Variants in KCNJ10 observed in about 807,000 individuals in gnomAD.
The protein encoded by KCNJ10 is potassium inwardly rectifying channel subfamily J member 10, also known as ATP-sensitive inward rectifier potassium channel 10.
Under a neutral mutation model 22.2 loss-of-function variants are expected in KCNJ10, and 9 were observed. That is an observed-to-expected ratio of 0.40 (90% CI 0.24 to 0.71). The LOEUF (loss-of-function observed/expected upper bound fraction) is 0.71, where lower values mean the gene tolerates loss of function less well. KCNJ10 is among the 30% of genes least tolerant of loss of function. The pLI, the probability that KCNJ10 is intolerant of heterozygous loss-of-function variation, is 0.35. For missense variants in KCNJ10, 337 were observed against 482.7 expected, an observed-to-expected ratio of 0.70 and a Z score of 2.83; for synonymous variants, 184 against 187.3, an observed-to-expected ratio of 0.98 and a Z score of 0.15.
In KCNJ10 at chr1:160,053,801, T is replaced by C. The variant is rs79399382; in HGVS notation, c.1-11269A>G. On this transcript the variant is annotated intron_variant, in intron 1 of 1. Coordinates refer to ENST00000644903, the MANE Select transcript of KCNJ10 (RefSeq NM_002241.5). ...GTCAACGTTTGGAAAGTTCTCATAG[T>C]CTGATCAAAAGAAAGGATAAAAGCC... Among the ~76,000 whole-genome samples, 778 of 152,292 alleles carry C rather than the reference T, an allele frequency of 5.1e-3. 4 individuals are homozygous for C. The highest frequency in any genetic ancestry group is 0.018 in the African/African-American group (733 of 41,540).
In KCNJ10 at chr1:160,039,375, C is replaced by CACACACACACACAA. The variant is rs1279471303; in HGVS notation, c.*2017_*2018insTTGTGTGTGTGTGT. The CACACACACACACAA allele has an allele frequency of 7.5e-5, 1 of 13,312 alleles. No individual in the cohort carries two copies. The highest frequency in any genetic ancestry group is 2.3e-4 in the African/African-American group (1 of 4,306). 0.8% of individuals were successfully genotyped at this position (13,312 alleles called of 1,614,324 possible). A position where few individuals can be genotyped will look rare whatever the true frequency, so the allele number is the denominator to read the frequency against. On this transcript the variant is annotated 3_prime_UTR_variant, in exon 2 of 2. Coordinates refer to ENST00000644903, the MANE Select transcript of KCNJ10 (RefSeq NM_002241.5). ...TTGGCAATGGATAGGAAGGTATAGA[C>CACACACACACACAA]ACACACACACACACACACACACACA...
intron 1 of KCNJ10, among the ~76,000 whole-genome samples, chr1:160,061,566 T>C (rs555549274): frequency 2.6e-5 from 4 of 151,992 alleles, no homozygotes; most frequent in African/African-American, 9.7e-5. Flanking sequence ...GCTGTGTCCA[T>C]GGTTAACGTA....
At position 160,038,437 on chromosome 1, in the gene KCNJ10, A is replaced by G. The variant is rs1371451186; in HGVS notation, c.*2956T>C. 1 of 152,192 alleles carries G rather than the reference A, an allele frequency of 6.6e-6. No individual in the cohort carries two copies. Among genetic ancestry groups the G allele is most frequent in the East Asian group, 1.9e-4 (1 of 5,176 alleles). The allele number at this position is 152,192 out of a possible 1,614,324, so 9.4% of individuals were successfully genotyped here. ...TAGGATTCAACAAAAGCCTTCATGA[A>G]TGCCTCTTTATTTCTGAAAAGGAAC... On this transcript the variant is annotated 3_prime_UTR_variant, in exon 2 of 2. Transcript: ENST00000644903.
intron 1 of KCNJ10, among the ~76,000 whole-genome samples, chr1:160,060,533 T>C (rs1019355141): frequency 6.6e-6 from 1 of 152,152 alleles, no homozygotes; most frequent in African/African-American, 2.4e-5. Context: ...CATGCAATTT[T>C]GATGGGAGGA....
At chr1:160,048,426 G>C (rs1454209206) in intron 1 of KCNJ10, among the ~76,000 whole-genome samples, 1 of 152,242 alleles carries the variant, frequency 6.6e-6, no homozygotes. Flanking sequence ...GCTGGGGAGA[G>C]AATGAGCTTT....
At position 160,042,012 on chromosome 1, in the gene KCNJ10, T is replaced by G. The variant is rs1301729296; in HGVS notation, c.521A>C (p.Lys174Thr). ...TFLAKIARPKKRAETIRFSQH... is the reference protein window; with the variant it reads ...TFLAKIARPKTRAETIRFSQH... ...GCTGAAACGAATGGTCTCAGCCCGC[T>G]TCTTGGGCCGGGCAATCTTCGCCAG... Residue 174 changes from lysine to threonine, a missense_variant, in exon 2 of 2, where the codon AAG (lysine) becomes ACG (threonine). This residue lies in a region of KCNJ10 where 165 missense variants were observed against 281.5 expected (regional missense o/e 0.59). Transcript: ENST00000644903. 1 of 1,568,396 alleles carries G rather than the reference T, an allele frequency of 6.4e-7. No individual in the cohort carries two copies. The highest frequency in any genetic ancestry group is 2.2e-5 in the East Asian group (1 of 44,454).
chr1:160,042,631 G>A, intron 1 of KCNJ10, 99 bp from the exon 2 acceptor site: 1 of 1,060,944 alleles, frequency 9.4e-7, no homozygotes, highest in Non-Finnish European at 1.4e-6. Flanking sequence ...TCATTTGAAT[G>A]TCGCTTATGT....
At chr1:160,060,940 C>T (rs554652450) in intron 1 of KCNJ10, among the ~76,000 whole-genome samples, 35 of 152,268 alleles carry the variant, frequency 2.3e-4, no homozygotes, top group Middle Eastern at 3.4e-3. Context: ...GAGTTCGTAG[C>T]AGGAGTGGGG....
At chr1:160,049,783 T>C in intron 1 of KCNJ10, among the ~76,000 whole-genome samples, 1 of 144,820 alleles carries the variant, frequency 6.9e-6, no homozygotes, top group Non-Finnish European at 1.5e-5. Flanking sequence ...ATTTTATGAT[T>C]GAATTAAAAG....
In KCNJ10 at chr1:160,038,970, A is replaced by C. The variant is rs1571263962; in HGVS notation, c.*2423T>G. 1 of 152,554 alleles carries C rather than the reference A, an allele frequency of 6.6e-6. No individual in the cohort carries two copies. Among genetic ancestry groups the C allele is most frequent in the East Asian group, 1.9e-4 (1 of 5,184 alleles). The allele number at this position is 152,554 out of a possible 1,614,324, so 9.5% of individuals were successfully genotyped here. A position where few individuals can be genotyped will look rare whatever the true frequency, so the allele number is the denominator to read the frequency against. The stretch of plus-strand genomic sequence containing the variant: ...TACTCTGCTGATATTCCAAGTCCAC[A>C]GTTGGTATGGGGGCCCATTTCTCAC... On this transcript the variant is annotated 3_prime_UTR_variant, in exon 2 of 2. Transcript: ENST00000644903.
chr1:160,069,632 G>GA (rs1320451589), intron 1 of KCNJ10, among the ~76,000 whole-genome samples: 1 of 152,120 alleles, frequency 6.6e-6, no homozygotes, highest in African/African-American at 2.4e-5. Flanking sequence ...AGGGGCTGGG[G>GA]ATGGGAGTAA....
At chr1:160,044,349 T>G (rs1383868898) in intron 1 of KCNJ10, among the ~76,000 whole-genome samples, 1 of 152,218 alleles carries the variant, frequency 6.6e-6, no homozygotes, top group African/African-American at 2.4e-5. Context: ...AACAAAGCCC[T>G]ATTTAGTACT....
chr1:160,069,782 G>T (rs1348618649), intron 1 of KCNJ10, among the ~76,000 whole-genome samples: 2 of 152,220 alleles, frequency 1.3e-5, no homozygotes, highest in Non-Finnish European at 2.9e-5. Flanking sequence ...CATCGGGAAA[G>T]CCCCTTCCTT....
Position 160,063,762 on chromosome 1 carries a change from G to A in KCNJ10, c.-1+6260C>T, listed in dbSNP as rs142713887. ...ACAGGTCACTTTCCCTCTCTGGGCC[G>A]AGCTCCTATGTGTAGCATTGGATGG... On this transcript the variant is annotated intron_variant, in intron 1 of 1. Transcript: ENST00000644903. Among the ~76,000 whole-genome samples, 3 of 152,276 alleles carry A rather than the reference G, an allele frequency of 2.0e-5. No homozygotes were observed. The East Asian group carries it at 5.8e-4, about 29-fold the overall frequency.
chr1:160,053,607 A>AGTGTGTGT (rs58451151), intron 1 of KCNJ10, among the ~76,000 whole-genome samples: 3 of 149,144 alleles, frequency 2.0e-5, no homozygotes, highest in Non-Finnish European at 4.5e-5. Flanking sequence ...AAAAGAGGGC[A>AGTGTGTGT]GTGTGTGTGT....
chr1:160,053,839 C>T (rs1002977411), intron 1 of KCNJ10, among the ~76,000 whole-genome samples: 1 of 152,202 alleles, frequency 6.6e-6, no homozygotes, highest in African/African-American at 2.4e-5. Flanking sequence ...CAAAGCATTT[C>T]CTGGGAGTCT....
At chr1:160,045,087 C>A (rs535880658) in intron 1 of KCNJ10, among the ~76,000 whole-genome samples, 3 of 152,174 alleles carry the variant, frequency 2.0e-5, no homozygotes, top group Non-Finnish European at 4.4e-5. Context: ...CAACAGAGAA[C>A]GTGTACCTAA....
At chr1:160,065,788 G>A (rs1649312051) in intron 1 of KCNJ10, among the ~76,000 whole-genome samples, 1 of 152,166 alleles carries the variant, frequency 6.6e-6, no homozygotes, top group South Asian at 2.1e-4. Context: ...ATGTGTCTGG[G>A]TAGAGAAAGG....
At chr1:160,046,942 C>A (rs1460289523) in intron 1 of KCNJ10, among the ~76,000 whole-genome samples, 1 of 152,158 alleles carries the variant, frequency 6.6e-6, no homozygotes, top group African/African-American at 2.4e-5. Flanking sequence ...GCCTGAGTGG[C>A]GAAAGAGACA....
Sources: gnomAD v4.1 joint callset for allele counts (sites outside exome capture counted in the v4.1 genomes callset) on GRCh38, gnomAD v4.1.1 for gene constraint, gnomAD v4.1.1 regional missense constraint, MANE v1.5 for transcripts, NCBI Gene and HGNC (gene_info 2026-07-23, HGNC 2026-07-21) for gene names.